The following EXOC1 variants were observed in gnomAD, a reference collection of about 807,000 sequenced individuals.
The protein encoded by EXOC1 is exocyst complex component 1.
In EXOC1, 67 loss-of-function variants were observed where a neutral mutation model predicts 107.7. The observed-to-expected ratio is 0.62, with a 90% CI of 0.51 to 0.76. The LOEUF (loss-of-function observed/expected upper bound fraction) is 0.76. Among genes scored for constraint, EXOC1 ranks in the 30% least tolerant of loss-of-function variants. The pLI is 0.00. For synonymous variants in EXOC1, 348 were observed against 353.5 expected, an observed-to-expected ratio of 0.98 and a Z score of 0.17; for missense variants, 833 against 1,055.7, an observed-to-expected ratio of 0.79 and a Z score of 2.92.
At position 55,878,081 on chromosome 4, in the gene EXOC1, T is replaced by C; in HGVS notation, c.1224+15T>C. Reference sequence around the variant, plus strand: ...GACTAACAAAGGTATGGATTTGACGTCATTTACTCACTGAGAATAGAGCAT... The same window carrying C: ...GACTAACAAAGGTATGGATTTGACGCCATTTACTCACTGAGAATAGAGCAT... On this transcript the variant is annotated intron_variant, in intron 9 of 18. Coordinates refer to ENST00000381295, the MANE Select transcript of EXOC1 (RefSeq NM_001024924.2). The C allele has an allele frequency of 6.2e-7, 1 of 1,609,598 alleles. No individual in the cohort carries two copies. Among genetic ancestry groups the C allele is most frequent in the Non-Finnish European group, 8.5e-7 (1 of 1,177,826 alleles).
intron 2 of EXOC1, among the ~76,000 whole-genome samples, chr4:55,859,798 C>T (rs1311717550): frequency 6.6e-6 from 1 of 152,142 alleles, no homozygotes; most frequent in Non-Finnish European, 1.5e-5. Context: ...TCATTGATAT[C>T]ATAAAATTTT....
intron 10 of EXOC1, among the ~76,000 whole-genome samples, chr4:55,884,563 C>A (rs1723693763): frequency 6.6e-6 from 1 of 152,078 alleles, no homozygotes; most frequent in Admixed American, 6.6e-5. Flanking sequence ...AAAGAATAGC[C>A]AGTGACAGTA....
intron 18 of EXOC1, among the ~76,000 whole-genome samples, chr4:55,903,987 T>C (rs1223503694): frequency 3.3e-5 from 5 of 152,200 alleles, no homozygotes; most frequent in African/African-American, 1.2e-4. Context: ...TATCCACATC[T>C]GTGTTGCATA....
At chr4:55,862,487 T>TC (rs1396751900) in intron 3 of EXOC1, among the ~76,000 whole-genome samples, 4 of 152,200 alleles carry the variant, frequency 2.6e-5, no homozygotes, top group Admixed American at 2.0e-4. Context: ...TGGGAAATAT[T>TC]CCCAGGGAAG....
chr4:55,896,359 GT>G (rs1725205233), intron 15 of EXOC1, among the ~76,000 whole-genome samples: 1 of 152,034 alleles, frequency 6.6e-6, no homozygotes, highest in Non-Finnish European at 1.5e-5. Context: ...GGCCAGGCTG[GT>G]CTTGAACTCT....
chr4:55,889,010 A>G, intron 11 of EXOC1, 78 bp downstream of exon 11: 1 of 1,486,868 alleles, frequency 6.7e-7, no homozygotes, highest in Non-Finnish European at 9.3e-7. Context: ...TCTTGAAAAA[A>G]GGTAACACCA....
At chr4:55,868,284 T>C in intron 4 of EXOC1, 52 bp from the exon 5 acceptor site, 4 of 1,500,196 alleles carry the variant, frequency 2.7e-6, no homozygotes, top group Non-Finnish European at 3.6e-6. Flanking sequence ...TATTATGTTA[T>C]AGTCTTTTCT....
intron 2 of EXOC1, among the ~76,000 whole-genome samples, chr4:55,859,309 T>C (rs1414291146): frequency 6.6e-6 from 1 of 152,134 alleles, no homozygotes; most frequent in East Asian, 1.9e-4. Context: ...CTTTATAAGT[T>C]TCATCATTTT....
chr4:55,883,785 T>G, intron 9 of EXOC1, 38 bp from the exon 10 acceptor site: 1 of 1,307,594 alleles, frequency 7.6e-7, no homozygotes. Context: ...GTTATATGTG[T>G]TTTATTAATA....
chr4:55,872,020 C>G, intron 8 of EXOC1, 62 bp downstream of exon 8: 1 of 1,390,258 alleles, frequency 7.2e-7, no homozygotes, highest in Non-Finnish European at 1.0e-6. Flanking sequence ...ATTAACCTTA[C>G]ATTTCCACAA....
chr4:55,874,407 C>G (rs986467205), intron 8 of EXOC1, among the ~76,000 whole-genome samples: 2 of 152,086 alleles, frequency 1.3e-5, no homozygotes, highest in Non-Finnish European at 2.9e-5. Context: ...ATTATCTTTT[C>G]ATTTTAAAAA....
In EXOC1 at chr4:55,904,642, A is replaced by G; in HGVS notation, c.*147A>G. ...GATAAATGGGTAGTACCATACTACA[A>G]ATATTTAAATGCAAAATTACCAACC... is the stretch of plus-strand genomic sequence containing the variant. On this transcript the variant is annotated 3_prime_UTR_variant, in exon 19 of 19. Transcript: ENST00000381295. 1.4e-6 allele frequency: 1 copy of G among 719,440 alleles called. No homozygotes were observed. The allele number at this position is 719,440 out of a possible 1,614,324, so 44.6% of individuals were successfully genotyped here.
At chr4:55,863,318 C>T (rs987635645) in intron 3 of EXOC1, among the ~76,000 whole-genome samples, 4 of 152,120 alleles carry the variant, frequency 2.6e-5, no homozygotes, top group African/African-American at 9.7e-5. Flanking sequence ...GTAATTCTCT[C>T]AGATTGGTTG....
At chr4:55,872,898 C>T (rs1190462414) in intron 8 of EXOC1, 1 of 388,758 alleles carries the variant, frequency 2.6e-6, no homozygotes, top group African/African-American at 2.2e-5. Flanking sequence ...CGAATCTTTA[C>T]AGATTATAAC....
intron 17 of EXOC1, 102 bp downstream of exon 17, chr4:55,899,986 T>C: frequency 2.0e-6 from 2 of 1,006,080 alleles, no homozygotes; most frequent in Non-Finnish European, 2.9e-6. Flanking sequence ...TTCTCATGTG[T>C]TGGTGCACAG....
At chr4:55,883,714 G>C in intron 9 of EXOC1, 109 bp from the exon 10 acceptor site, 4 of 623,272 alleles carry the variant, frequency 6.4e-6, no homozygotes, top group Non-Finnish European at 7.9e-6. Flanking sequence ...ATACATCAAA[G>C]TTTTGGACTA....
Position 55,902,491 on chromosome 4 carries a change from T to C in EXOC1, c.2485T>C (p.Tyr829His). 6.4e-7 allele frequency: 1 copy of C among 1,556,444 alleles called. No individual in the cohort carries two copies. The highest frequency in any genetic ancestry group is 8.6e-7 in the Non-Finnish European group (1 of 1,158,708). The change falls in exon 18 of 19, where the codon TAC (tyrosine) becomes CAC (histidine). Residue 829 changes from tyrosine (Y) to histidine (H), a missense_variant. Tyr to His is a moderately conservative substitution (Grantham distance 83). Coordinates refer to ENST00000381295, the MANE Select transcript of EXOC1 (RefSeq NM_001024924.2). ...AGTAAAAAAAGGTCTAGATAACCTC[T>C]ACAAGAAAGTTGATAAACATTTATG... is the stretch of plus-strand genomic sequence containing the variant. ...KEVKKGLDNLYKKVDKHLCEE... is the reference protein window; with the variant it reads ...KEVKKGLDNLHKKVDKHLCEE...
In EXOC1 at chr4:55,888,951, TTAG is replaced by T; in HGVS notation, c.1375+23_1375+25del. ...ACAGAGAGTGAGTATGCTTAGTGTATTAGTAGGTATTCTCAATGCATGTTTGTT... is the reference window on the plus strand; with the variant it reads ...ACAGAGAGTGAGTATGCTTAGTGTATTAGGTATTCTCAATGCATGTTTGTT... On this transcript the variant is annotated intron_variant, in intron 11 of 18. Transcript: ENST00000381295. 1 of 1,611,134 alleles carries T rather than the reference TTAG, an allele frequency of 6.2e-7. No individual in the cohort carries two copies.
At chr4:55,899,060 A>G (rs913839816) in intron 16 of EXOC1, among the ~76,000 whole-genome samples, 2 of 152,138 alleles carry the variant, frequency 1.3e-5, no homozygotes, top group African/African-American at 2.4e-5. Flanking sequence ...ACTAGGTATT[A>G]CCAATCTTTT....
Sources: allele counts gnomAD v4.1 joint callset (sites outside exome capture counted in the v4.1 genomes callset), GRCh38; gene constraint gnomAD v4.1.1; transcripts MANE v1.5; gene names NCBI Gene and HGNC (gene_info 2026-07-23, HGNC 2026-07-21).